Variants in RYR2 observed in about 807,000 individuals in gnomAD.
The protein encoded by RYR2 is ryanodine receptor 2.
Under a neutral mutation model 601.1 loss-of-function variants are expected in RYR2, and 227 were observed. That is an observed-to-expected ratio of 0.38 (90% CI 0.34 to 0.42). The LOEUF is 0.42. RYR2 is among the 10% of genes least tolerant of loss of function. The pLI is 1.00. For synonymous variants in RYR2, 2,223 were observed against 2,175.1 expected (o/e 1.02, Z -0.61); for missense variants, 4,646 against 6,156.5 (o/e 0.75, Z 8.21).
intron 1 of RYR2, among the ~76,000 whole-genome samples, chr1:237,184,580 G>T (rs1271374705): frequency 1.3e-5 from 2 of 152,042 alleles, no homozygotes; most frequent in Non-Finnish European, 2.9e-5. Context: ...AATAGTCTTT[G>T]ACAAAAATAA....
chr1:237,287,305 A>G (rs964085052), intron 2 of RYR2, among the ~76,000 whole-genome samples: 2 of 152,110 alleles, frequency 1.3e-5, no homozygotes, highest in African/African-American at 4.8e-5. Context: ...GATCTTTTTG[A>G]GATGAATTTC....
chr1:237,485,410 T>C (rs1421876881), intron 17 of RYR2, among the ~76,000 whole-genome samples: 6 of 152,218 alleles, frequency 3.9e-5, no homozygotes, highest in Non-Finnish European at 4.4e-5. Flanking sequence ...ATATCTGCTC[T>C]CAAGGGCTCG....
intron 14 of RYR2, among the ~76,000 whole-genome samples, chr1:237,452,392 C>T (rs994876359): frequency 7.0e-6 from 1 of 143,512 alleles, no homozygotes; most frequent in Admixed American, 7.1e-5. Flanking sequence ...ATATATTATA[C>T]ATTATATAAT....
chr1:237,818,165 T>C (rs967211749), intron 100 of RYR2, among the ~76,000 whole-genome samples: 1 of 152,096 alleles, frequency 6.6e-6, no homozygotes, highest in Non-Finnish European at 1.5e-5. Context: ...TATTGGATGC[T>C]CCAAGCCAGT....
intron 86 of RYR2, among the ~76,000 whole-genome samples, chr1:237,772,483 C>G (rs968785261): frequency 6.6e-6 from 1 of 152,126 alleles, no homozygotes; most frequent in Non-Finnish European, 1.5e-5. Context: ...CAACTACTAC[C>G]ATACACTTAA....
At chr1:237,205,274 A>G (rs553704892) in intron 1 of RYR2, among the ~76,000 whole-genome samples, 3 of 152,214 alleles carry the variant, frequency 2.0e-5, no homozygotes, top group Non-Finnish European at 4.4e-5. Context: ...CCGAGTGCTG[A>G]GTTGTGGCCC....
chr1:237,409,423 T>C (rs1387006700), intron 10 of RYR2, among the ~76,000 whole-genome samples: 1 of 152,152 alleles, frequency 6.6e-6, no homozygotes, highest in Non-Finnish European at 1.5e-5. Context: ...TGATCAATGA[T>C]TTTTTTCTTT....
chr1:237,633,854 G>A, intron 43 of RYR2, 144 bp downstream of exon 43: 4 of 779,464 alleles, frequency 5.1e-6, no homozygotes, highest in South Asian at 4.4e-5. Flanking sequence ...ATAGGTATAT[G>A]AAAAAATACT....
At chr1:237,115,419 G>A (rs1302933619) in intron 1 of RYR2, among the ~76,000 whole-genome samples, 1 of 152,188 alleles carries the variant, frequency 6.6e-6, no homozygotes, top group Non-Finnish European at 1.5e-5. Context: ...CTAATTCCTG[G>A]AAACCCTTAA....
At chr1:237,219,994 TGTGATTACTTG>T (rs201405037) in intron 1 of RYR2, among the ~76,000 whole-genome samples, 2,094 of 152,350 alleles carry the variant, frequency 0.014, 28 homozygotes, top group Middle Eastern at 0.048. Context: ...TACTTTTAGC[TGTGATTACTTG>T]GTGTATAGTA....
At chr1:237,148,728 C>G (rs1404497060) in intron 1 of RYR2, among the ~76,000 whole-genome samples, 1 of 151,702 alleles carries the variant, frequency 6.6e-6, no homozygotes, top group Non-Finnish European at 1.5e-5. Flanking sequence ...GGGTTTTGGA[C>G]AAGCCAATCT....
intron 1 of RYR2, among the ~76,000 whole-genome samples, chr1:237,175,927 G>A (rs1409292591): frequency 1.3e-5 from 2 of 152,162 alleles, no homozygotes; most frequent in Non-Finnish European, 2.9e-5. Context: ...TGATGTGTTG[G>A]AAATTTAAAG....
intron 99 of RYR2, among the ~76,000 whole-genome samples, chr1:237,806,829 G>T (rs541492795): frequency 2.3e-4 from 35 of 152,260 alleles, no homozygotes; most frequent in African/African-American, 7.9e-4. Context: ...AAGAAAACTG[G>T]TCTAGGTCCA....
intron 23 of RYR2, among the ~76,000 whole-genome samples, chr1:237,508,445 T>TA (rs1443307505): frequency 1.4e-5 from 2 of 143,028 alleles, no homozygotes; most frequent in Non-Finnish European, 3.1e-5. Flanking sequence ...GAAGATTTTT[T>TA]AAAAAGTTCC....
chr1:237,513,450 C>T (rs1164042915), intron 24 of RYR2, among the ~76,000 whole-genome samples: 2 of 152,140 alleles, frequency 1.3e-5, no homozygotes, highest in Non-Finnish European at 2.9e-5. Flanking sequence ...GGACCCGGAA[C>T]ATAAAATTTA....
Position 237,651,411 on chromosome 1 carries a change from A to G in RYR2, c.7734A>G (p.Gly2578=), listed in dbSNP as rs1343619522. The G allele has an allele frequency of 1.3e-6, 2 of 1,588,484 alleles. No individual in the cohort carries two copies. The highest frequency in any genetic ancestry group is 1.7e-6 in the Non-Finnish European group (2 of 1,165,004). The stretch of plus-strand genomic sequence containing the variant: ...ATGAACATTAGCTTTGTTCCAACAG[A>G]CAACTGAGACCTTCTATGATGCAGC... ...SIEVCLLSIC[G]QLRPSMMQHL... Residue 2578 remains glycine, a splice_region_variant and synonymous_variant, in exon 51 of 105, where the codon GGA becomes GGG. Coordinates refer to ENST00000366574, the MANE Select transcript of RYR2 (RefSeq NM_001035.3).
chr1:237,261,621 T>C (rs891845597), intron 1 of RYR2, among the ~76,000 whole-genome samples: 1 of 151,958 alleles, frequency 6.6e-6, no homozygotes, highest in African/African-American at 2.4e-5. Flanking sequence ...TTTGGTGGGG[T>C]GCCGTGGGTC....
intron 99 of RYR2, among the ~76,000 whole-genome samples, chr1:237,806,769 T>C (rs760972194): frequency 1.3e-5 from 2 of 152,186 alleles, no homozygotes; most frequent in African/African-American, 4.8e-5. Flanking sequence ...TACTTTTAAA[T>C]TGAGCAAAAA....
At position 237,648,605 on chromosome 1, in the gene RYR2, T is replaced by C. The variant is rs1357274100; in HGVS notation, c.7504T>C (p.Leu2502=). The change falls in exon 49 of 105, where the codon TTA becomes CTA. Residue 2502 remains leucine, a synonymous_variant. Coordinates refer to ENST00000366574, the MANE Select transcript of RYR2 (RefSeq NM_001035.3). ...GCCAGATCTCCGGGCGGCTGCTTCT[T>C]TAGATACGGTGAGATTGGAGCGATG... The part of the protein sequence containing the change: ...FLPDLRAAAS[L]DTAALSATDM... 1.9e-6 allele frequency: 3 copies of C among 1,608,648 alleles called. No homozygotes were observed. Among genetic ancestry groups the C allele is most frequent in the Non-Finnish European group, 2.5e-6 (3 of 1,177,250 alleles).
Sources: allele counts gnomAD v4.1 joint callset (sites outside exome capture counted in the v4.1 genomes callset), GRCh38; gene constraint gnomAD v4.1.1; transcripts MANE v1.5; gene names NCBI Gene and HGNC (gene_info 2026-07-23, HGNC 2026-07-21).